Variants in GAS6 observed in about 807,000 individuals in gnomAD.
The protein encoded by GAS6 is growth arrest-specific protein 6.
Under a neutral mutation model 75.8 loss-of-function variants are expected in GAS6, and 41 were observed. The ratio of observed to expected loss-of-function variants is 0.54; its 90% CI spans 0.42 to 0.70. GAS6 has a LOEUF of 0.70. GAS6 is among the 30% of genes least tolerant of loss of function. The probability of loss-of-function intolerance (pLI) is 0.00; values close to 1 mark genes in which losing one functional copy is unlikely to be tolerated. For synonymous variants in GAS6, 432 were observed against 412.6 expected, an observed-to-expected ratio of 1.05 and a Z score of -0.57; for missense variants, 854 against 940.2, an observed-to-expected ratio of 0.91 and a Z score of 1.20.
chr13:113,834,852 G>T, intron 7 of GAS6, 180 bp from the exon 8 acceptor site: 1 of 515,216 alleles, frequency 1.9e-6, no homozygotes, highest in Non-Finnish European at 3.1e-6. Context: ...TGCACCCTCG[G>T]CCTGCTCCTG....
intron 2 of GAS6, among the ~76,000 whole-genome samples, chr13:113,854,964 C>T (rs1356865862): frequency 3.9e-5 from 6 of 152,222 alleles, no homozygotes; most frequent in African/African-American, 7.2e-5. Context: ...GTGCCCACCC[C>T]AGCCCCGGTG....
chr13:113,863,092 C>T lies in GAS6; in HGVS notation c.255+483G>A, dbSNP rs1340573570. 1.3e-5 allele frequency among the ~76,000 whole-genome samples: 2 copies of T among 152,170 alleles called. No individual in the cohort carries two copies. Among genetic ancestry groups the T allele is most frequent in the East Asian group, 1.9e-4 (1 of 5,166 alleles). ...CGGAGCCGCCCTCCCCTCCCGCATGCGGCCCCGCTCGATTCCTGGAATCTT... is the reference window on the plus strand; with the variant it reads ...CGGAGCCGCCCTCCCCTCCCGCATGTGGCCCCGCTCGATTCCTGGAATCTT... On this transcript the variant is annotated intron_variant, in intron 2 of 14. Coordinates refer to ENST00000327773, the MANE Select transcript of GAS6 (RefSeq NM_000820.4). The surrounding 1 kb of genome is among the most constrained non-coding windows in gnomAD (Gnocchi z 9.4).
At chr13:113,838,586 G>T (rs1594200883) in intron 5 of GAS6, among the ~76,000 whole-genome samples, 1 of 116,326 alleles carries the variant, frequency 8.6e-6, no homozygotes, top group African/African-American at 3.5e-5. Flanking sequence ...GGACCCCGGG[G>T]GTGCACAGCC....
chr13:113,841,943 T>C (rs1370035697), intron 4 of GAS6: 1 of 139,850 alleles, frequency 7.2e-6, no homozygotes, highest in Admixed American at 7.2e-5. Flanking sequence ...GTTTCTTCCA[T>C]ACACCCCACA....
At position 113,857,023 on chromosome 13, in the gene GAS6, G is replaced by A. The variant is rs893357968; in HGVS notation, c.255+6552C>T. On this transcript the variant is annotated intron_variant, in intron 2 of 14. Transcript: ENST00000327773. Reference sequence around the variant, plus strand: ...GGCCCAGGCTCTCTGAGGGCTGGCTGGGTCAAGCTGTGTGTTTTCCATGGA... The same window carrying A: ...GGCCCAGGCTCTCTGAGGGCTGGCTAGGTCAAGCTGTGTGTTTTCCATGGA... Among the ~76,000 whole-genome samples, 6 of 152,226 alleles carry A rather than the reference G, an allele frequency of 3.9e-5. No homozygotes were observed. In the East Asian group the frequency reaches 1.2e-3, roughly 29 times the overall value.
chr13:113,835,691 GGGGCAGGCGGCTGCAGGGACTGGCCA>G (rs2051694463), intron 6 of GAS6, 56 bp from the exon 7 acceptor site: 1 of 1,589,160 alleles, frequency 6.3e-7, no homozygotes, highest in African/African-American at 1.3e-5. Flanking sequence ...AGACGGGGCT[GGGGCAGGCGGCTGCAGGGACTGGCCA>G]GGGCACCACC....
intron 13 of GAS6, 56 bp from the exon 14 acceptor site, chr13:113,822,242 A>C: frequency 7.3e-7 from 1 of 1,372,452 alleles, no homozygotes; most frequent in Non-Finnish European, 9.8e-7. Flanking sequence ...GTGAGCTGTT[A>C]GGTCCAAGCT....
chr13:113,820,602 G>C lies in GAS6; in HGVS notation c.*262C>G. The C allele has an allele frequency of 2.1e-6, 1 of 466,036 alleles. No individual in the cohort carries two copies. The highest frequency in any genetic ancestry group is 4.9e-5 in the South Asian group (1 of 20,300). 28.9% of individuals were successfully genotyped at this position (466,036 alleles called of 1,614,324 possible). A position where few individuals can be genotyped will look rare whatever the true frequency, so the allele number is the denominator to read the frequency against. ...TTCCATATTTTAGAGTCAGAAAGAA[G>C]CGCTTGGTAATAAAAATAATAGAGA... On this transcript the variant is annotated 3_prime_UTR_variant, in exon 15 of 15. Coordinates refer to ENST00000327773, the MANE Select transcript of GAS6 (RefSeq NM_000820.4).
chr13:113,821,203 C>T, intron 14 of GAS6, 185 bp from the exon 15 acceptor site: 1 of 633,580 alleles, frequency 1.6e-6, no homozygotes, highest in Non-Finnish European at 2.7e-6. Flanking sequence ...AAGCAGGAGG[C>T]ATCTGCCAGC....
intron 2 of GAS6, among the ~76,000 whole-genome samples, chr13:113,862,500 G>C (rs909666284): frequency 6.6e-6 from 1 of 152,210 alleles, no homozygotes; most frequent in Non-Finnish European, 1.5e-5. Context: ...GAGAGGCCGG[G>C]GAGAGCGACC....
At chr13:113,836,055 C>T (rs995200232) in intron 6 of GAS6, 43 of 997,444 alleles carry the variant, frequency 4.3e-5, no homozygotes, top group South Asian at 1.4e-4. Context: ...TTTTCACTAC[C>T]GGGTTAAACC....
Position 113,822,060 on chromosome 13 carries a change from TG to T in GAS6, c.1779del (p.Arg594GlyfsTer6). On this transcript the variant is annotated frameshift_variant, in exon 14 of 15. Coordinates refer to ENST00000327773, the MANE Select transcript of GAS6 (RefSeq NM_000820.4). ...DGEATLEVDG[T>X]RGQSEVSAAQ... ...GCGGCGCTCACCTCGCTCTGGCCCC[TG>T]GTGCCGTCCACCTCCAGGGTGGCCT... 6.3e-7 allele frequency: 1 copy of T among 1,588,208 alleles called. No homozygotes were observed. The highest frequency in any genetic ancestry group is 1.8e-5 in the Admixed American group (1 of 55,516).
chr13:113,839,963 G>T, intron 4 of GAS6, 113 bp from the exon 5 acceptor site: 1 of 1,519,590 alleles, frequency 6.6e-7, no homozygotes, highest in Non-Finnish European at 9.0e-7. Flanking sequence ...GAGGAGCTCT[G>T]AGGGGCGCAG....
chr13:113,832,410 G>C lies in GAS6; in HGVS notation c.1032C>G (p.Thr344=), dbSNP rs1309338819. The change falls in exon 10 of 15, where the codon ACC becomes ACG. Residue 344 remains threonine, a synonymous_variant. Coordinates refer to ENST00000327773, the MANE Select transcript of GAS6 (RefSeq NM_000820.4). ...LLFAGGHQDS[T]WIVLALRAGR... ...CGGCTCTCAGGGCCAGCACGATCCA[G>C]GTGCTGTCCTGGTGGCCTCCGGCAA... The C allele has an allele frequency of 6.2e-7, 1 of 1,611,858 alleles. No homozygotes were observed. Among genetic ancestry groups the C allele is most frequent in the East Asian group, 2.2e-5 (1 of 44,846 alleles).
chr13:113,860,934 G>A (rs2051966399), intron 2 of GAS6, among the ~76,000 whole-genome samples: 1 of 152,118 alleles, frequency 6.6e-6, no homozygotes, highest in South Asian at 2.1e-4. Flanking sequence ...CCAGGAAGCA[G>A]CCCCAGCTTG....
At chr13:113,839,248 C>T (rs2051749783) in intron 5 of GAS6, 1 of 162,626 alleles carries the variant, frequency 6.1e-6, no homozygotes, top group Non-Finnish European at 1.3e-5. Flanking sequence ...CTCCACCAGG[C>T]CCTGGAGCTA....
In GAS6 at chr13:113,828,663, C is replaced by T. The variant is rs371923342; in HGVS notation, c.1192G>A (p.Asp398Asn). 1.2e-5 allele frequency: 20 copies of T among 1,613,502 alleles called. No individual in the cohort carries two copies. The African/African-American group carries it at 2.0e-4, about 16-fold the overall frequency. ...ARNLVIKVNR[D>N]AVMKIAVAGD... Reference sequence around the variant, plus strand: ...GCCACCGCGATTTTCATGACAGCATCCCTGTTGACCTTGATGACCAGATTC... The same window carrying T: ...GCCACCGCGATTTTCATGACAGCATTCCTGTTGACCTTGATGACCAGATTC... The change falls in exon 11 of 15, where the codon GAT becomes AAT. Residue 398 changes from aspartate (D) to asparagine (N), a missense_variant. Transcript: ENST00000327773.
intron 3 of GAS6, chr13:113,847,098 A>G (rs115560152): frequency 0.013 from 5,761 of 454,446 alleles, 304 homozygotes; most frequent in African/African-American, 0.1. Context: ...GGATAACCCG[A>G]AGCGTGAGGT....
chr13:113,848,003 G>C lies in GAS6; in HGVS notation c.280+23C>G. The C allele has an allele frequency of 5.6e-6, 9 of 1,608,832 alleles. No homozygotes were observed. Among genetic ancestry groups the C allele is most frequent in the Non-Finnish European group, 6.8e-6 (8 of 1,175,892 alleles). On this transcript the variant is annotated intron_variant, in intron 3 of 14. Transcript: ENST00000327773. This position sits in a 1 kb window ranked among gnomAD's most constrained non-coding sequence, Gnocchi z 4.8. ...CAACTATGCCTCTACGACAACCAGA[G>C]TAGAGAAGTAATTGAGACTTACCTA...
Sources: allele counts gnomAD v4.1 joint callset (sites outside exome capture counted in the v4.1 genomes callset), GRCh38; gene constraint gnomAD v4.1.1; non-coding constraint Gnocchi (gnomAD v3.1); transcripts MANE v1.5; gene names NCBI Gene and HGNC (gene_info 2026-07-23, HGNC 2026-07-21).